SLC24A2: variants seen among roughly 807,000 people sequenced by gnomAD.
The protein encoded by SLC24A2 is sodium/potassium/calcium exchanger 2.
SLC24A2 carries 36 observed loss-of-function variants against 62.0 expected under a neutral mutation model. The observed-to-expected ratio is 0.58, with a 90% CI of 0.44 to 0.77. The LOEUF (loss-of-function observed/expected upper bound fraction) is 0.77, where lower values mean the gene tolerates loss of function less well. Among genes scored for constraint, SLC24A2 ranks in the 30% least tolerant of loss-of-function variants. The pLI is 0.00. For missense variants in SLC24A2, 846 were observed against 817.9 expected (o/e 1.03, Z -0.42); for synonymous variants, 358 against 294.0 (o/e 1.22, Z -2.23).
the SLC24A2 span, among the ~76,000 whole-genome samples, chr9:20,026,820 A>C: frequency 1.3e-5 from 2 of 152,142 alleles, no homozygotes; most frequent in African/African-American, 4.8e-5. Context: ...CAAAAAACAG[A>C]CAAATGGGAT....
chr9:20,162,837 A>T, the SLC24A2 span, among the ~76,000 whole-genome samples: 2 of 152,272 alleles, frequency 1.3e-5, no homozygotes, highest in South Asian at 4.1e-4. Context: ...TACGCAAAAC[A>T]ATAAATGTAA....
the SLC24A2 span, among the ~76,000 whole-genome samples, chr9:19,823,875 A>G: frequency 6.6e-6 from 1 of 152,190 alleles, no homozygotes; most frequent in East Asian, 1.9e-4. Context: ...CCACACATCT[A>G]CAACCATCTG....
chr9:20,201,527 T>G, the SLC24A2 span, among the ~76,000 whole-genome samples: 179 of 152,242 alleles, frequency 1.2e-3, no homozygotes, highest in African/African-American at 4.2e-3. Flanking sequence ...AGTGAGAGAT[T>G]GAGGAAGAAA....
At chr9:19,559,275 A>G (rs1193159616) in intron 7 of SLC24A2, among the ~76,000 whole-genome samples, 1 of 152,198 alleles carries the variant, frequency 6.6e-6, no homozygotes, top group East Asian at 1.9e-4. Flanking sequence ...GAAAATGCAA[A>G]AATTTTGTAC....
At chr9:20,304,218 T>C in the SLC24A2 span, among the ~76,000 whole-genome samples, 1 of 152,262 alleles carries the variant, frequency 6.6e-6, no homozygotes, top group South Asian at 2.1e-4. Context: ...AGGTTAACTA[T>C]TTCACTGCTG....
intron 2 of SLC24A2, among the ~76,000 whole-genome samples, chr9:19,726,767 G>A (rs1007525152): frequency 1.3e-5 from 2 of 152,156 alleles, no homozygotes; most frequent in African/African-American, 4.8e-5. Context: ...CTGTTCTATA[G>A]AATATTTTTG....
intron 2 of SLC24A2, among the ~76,000 whole-genome samples, chr9:19,636,330 T>C (rs1166680993): frequency 2.0e-4 from 6 of 30,236 alleles, no homozygotes; most frequent in Admixed American, 6.8e-4. Flanking sequence ...TTTCTTTCTT[T>C]CTTTCTTTCT....
intron 2 of SLC24A2, among the ~76,000 whole-genome samples, chr9:19,695,020 TA>T (rs1279386144): frequency 7.8e-6 from 1 of 128,032 alleles, no homozygotes; most frequent in Non-Finnish European, 1.6e-5. Flanking sequence ...TTGGGGCAAA[TA>T]AAAAGGCCGG....
rs542387179 is a variant in SLC24A2 at position 19,666,325 on chromosome 9, G to A, written c.931-44026C>T. 2.6e-5 allele frequency among the ~76,000 whole-genome samples: 4 copies of A among 152,270 alleles called. No homozygotes were observed. In the South Asian group the frequency reaches 8.3e-4, roughly 32 times the overall value. ...AGAGGCTGAGGTGGAAGGATCACCT[G>A]AGCCTGGGAGGTTGAGGCTGCAGTG... On this transcript the variant is annotated intron_variant, in intron 2 of 10. Transcript: ENST00000341998.
chr9:19,518,670 T>C (rs1665878026), intron 10 of SLC24A2, among the ~76,000 whole-genome samples: 1 of 152,160 alleles, frequency 6.6e-6, no homozygotes, highest in South Asian at 2.1e-4. Flanking sequence ...TCCGCCCACC[T>C]CAGCCTCCCA....
At chr9:20,281,963 C>T in the SLC24A2 span, among the ~76,000 whole-genome samples, 1 of 151,938 alleles carries the variant, frequency 6.6e-6, no homozygotes, top group South Asian at 2.1e-4. Context: ...AGATTTATTC[C>T]TTAGTGTTTT....
At chr9:19,989,737 T>A in the SLC24A2 span, among the ~76,000 whole-genome samples, 71 of 152,326 alleles carry the variant, frequency 4.7e-4, no homozygotes, top group Middle Eastern at 3.4e-3. Flanking sequence ...GTCAGTAGAT[T>A]TACATTTCCA....
the SLC24A2 span, among the ~76,000 whole-genome samples, chr9:19,880,542 TGTGAAA>T: frequency 1.3e-5 from 2 of 152,176 alleles, no homozygotes; most frequent in South Asian, 4.1e-4. Flanking sequence ...ATAAAGTCAA[TGTGAAA>T]ATCTAGGTGA....
At chr9:19,939,644 C>T in the SLC24A2 span, among the ~76,000 whole-genome samples, 1 of 152,098 alleles carries the variant, frequency 6.6e-6, no homozygotes, top group Non-Finnish European at 1.5e-5. Context: ...TTAGGCTACA[C>T]TAAATTTGTA....
the SLC24A2 span, among the ~76,000 whole-genome samples, chr9:20,117,087 G>C: frequency 1.3e-5 from 2 of 151,960 alleles, no homozygotes; most frequent in African/African-American, 4.8e-5. Flanking sequence ...ATGTATTTTG[G>C]CAGTGACTGA....
At chr9:20,259,994 G>A in the SLC24A2 span, among the ~76,000 whole-genome samples, 1 of 152,152 alleles carries the variant, frequency 6.6e-6, no homozygotes, top group South Asian at 2.1e-4. Context: ...TGAGGTTGGA[G>A]GTCACCTGAG....
chr9:20,132,395 G>A, the SLC24A2 span, among the ~76,000 whole-genome samples: 1 of 152,102 alleles, frequency 6.6e-6, no homozygotes, highest in Non-Finnish European at 1.5e-5. Flanking sequence ...ATCAAGAAAT[G>A]CAAGTAAAAC....
At chr9:19,790,838 G>C (rs978880391), upstream of SLC24A2, among the ~76,000 whole-genome samples, 4 of 152,158 alleles carry the variant, frequency 2.6e-5, no homozygotes, top group Admixed American at 2.0e-4. Flanking sequence ...GCTACATGGG[G>C]TGCGGAGGGG....
chr9:20,023,367 T>C, the SLC24A2 span, among the ~76,000 whole-genome samples: 3 of 152,302 alleles, frequency 2.0e-5, no homozygotes, highest in East Asian at 5.8e-4. Flanking sequence ...GGGAACTCCA[T>C]AGTGCAGTGA....
Sources: allele counts gnomAD v4.1 joint callset (sites outside exome capture counted in the v4.1 genomes callset), GRCh38; gene constraint gnomAD v4.1.1; transcripts MANE v1.5; gene names NCBI Gene and HGNC (gene_info 2026-07-23, HGNC 2026-07-21).